The following MTTP variants were observed in gnomAD, a reference collection of about 807,000 sequenced individuals.
The protein encoded by MTTP is microsomal triglyceride transfer protein large subunit.
MTTP carries 49 observed loss-of-function variants against 90.6 expected under a neutral mutation model. The ratio of observed to expected loss-of-function variants is 0.54; its 90% CI spans 0.43 to 0.69. The LOEUF is 0.69. MTTP is among the 30% of genes least tolerant of loss of function. The pLI, the probability that MTTP is intolerant of heterozygous loss-of-function variation, is 0.00. For synonymous variants in MTTP, 347 were observed against 384.2 expected (o/e 0.90, Z 1.13); for missense variants, 945 against 1,067.5 (o/e 0.89, Z 1.60).
At chr4:99,571,057 A>G (rs182810512), upstream of MTTP, among the ~76,000 whole-genome samples, 1 of 152,068 alleles carries the variant, frequency 6.6e-6, no homozygotes, top group Admixed American at 6.6e-5. Flanking sequence ...GTGCCTTTCA[A>G]TAGTTCTTGG....
At chr4:99,589,825 G>C in intron 4 of MTTP, 75 bp downstream of exon 4, 1 of 1,026,616 alleles carries the variant, frequency 9.7e-7, no homozygotes, top group Non-Finnish European at 1.5e-6. Context: ...AATTTCAGTA[G>C]AAGAGTTACT....
intron 10 of MTTP, among the ~76,000 whole-genome samples, chr4:99,605,895 GTGTC>G (rs1473688606): frequency 2.6e-5 from 4 of 151,524 alleles, no homozygotes; most frequent in Non-Finnish European, 5.9e-5. Flanking sequence ...GTGTATGTGT[GTGTC>G]TGTGTGTTTG....
At chr4:99,573,615 T>A (rs1180722688), upstream of MTTP, among the ~76,000 whole-genome samples, 1 of 152,180 alleles carries the variant, frequency 6.6e-6, no homozygotes, top group Non-Finnish European at 1.5e-5. Flanking sequence ...GAAATATGCT[T>A]AACTTTGTAG....
intron 1 of MTTP, among the ~76,000 whole-genome samples, chr4:99,580,863 G>A (rs190299764): frequency 6.6e-6 from 1 of 152,240 alleles, no homozygotes; most frequent in Non-Finnish European, 1.5e-5. Flanking sequence ...GGCCTTTTCA[G>A]GCATTGCAAA....
chr4:99,599,028 ATTCT>A (rs1372598004), intron 8 of MTTP, among the ~76,000 whole-genome samples: 1 of 152,140 alleles, frequency 6.6e-6, no homozygotes, highest in Non-Finnish European at 1.5e-5. Flanking sequence ...AGGGATAATA[ATTCT>A]TTCTATTTAT....
At chr4:99,586,282 G>A (rs549697837) in intron 3 of MTTP, among the ~76,000 whole-genome samples, 8 of 152,174 alleles carry the variant, frequency 5.3e-5, no homozygotes, top group East Asian at 3.9e-4. Flanking sequence ...AGTTGTAAAC[G>A]TGACAGTTAT....
At chr4:99,583,331 A>G in intron 2 of MTTP, 43 bp from the exon 3 acceptor site, 1 of 1,603,182 alleles carries the variant, frequency 6.2e-7, no homozygotes. Context: ...ATGAAGACAG[A>G]TATAGGAAGT....
In MTTP at chr4:99,575,107, T is replaced by C. The variant is rs538451791; in HGVS notation, c.61+137T>C. ...AACTATCTTCAAAACCATGTAACTT[T>C]GGAATGTTTGTGAAAGCATGGCTGA... On this transcript the variant is annotated intron_variant, in intron 1 of 17. Coordinates refer to ENST00000265517, the MANE Select transcript of MTTP (RefSeq NM_001386140.1). The C allele has an allele frequency of 2.0e-5, 19 of 943,038 alleles. No individual in the cohort carries two copies. The African/African-American group carries it at 3.2e-4, about 16-fold the overall frequency. 58.4% of individuals were successfully genotyped at this position (943,038 alleles called of 1,614,324 possible).
In MTTP at chr4:99,622,770, G is replaced by A. The variant is rs763344111; in HGVS notation, c.2607G>A (p.Pro869=). 19 of 1,613,906 alleles carry A rather than the reference G, an allele frequency of 1.2e-5. No homozygotes were observed. In the African/African-American group the frequency reaches 1.2e-4, roughly 10 times the overall value. ...KESVLAGCEF[P]LHQENSEMCK... is the part of the protein sequence containing the mutation. ...GCGTATTAGCAGGATGTGAATTCCCGCTCCATCAAGAGAACTCAGAGATGT... is the reference window on the plus strand; with the variant it reads ...GCGTATTAGCAGGATGTGAATTCCCACTCCATCAAGAGAACTCAGAGATGT... Residue 869 remains proline (P), a synonymous_variant, in exon 18 of 18, where the codon CCG becomes CCA. Transcript: ENST00000265517.
In MTTP at chr4:99,601,629, G is replaced by A; in HGVS notation, c.1259G>A (p.Gly420Asp). The change falls in exon 10 of 18, where the codon GGT (glycine) becomes GAT (aspartate). Residue 420 changes from glycine (G) to aspartate (D), a missense_variant. Gly to Asp is a moderately conservative substitution (Grantham distance 94). Coordinates refer to ENST00000265517, the MANE Select transcript of MTTP (RefSeq NM_001386140.1). The stretch of plus-strand genomic sequence containing the variant: ...TAGAGTAAGTTCAAAGGTTCTATTG[G>A]TAGCAGTGACATCAGAGAAACTGTT... ...ALISKFKGSI[G>D]SSDIRETVMI... The A allele has an allele frequency of 6.2e-7, 1 of 1,612,446 alleles. No individual in the cohort carries two copies. Among genetic ancestry groups the A allele is most frequent in the East Asian group, 2.2e-5 (1 of 44,762 alleles).
intron 14 of MTTP, among the ~76,000 whole-genome samples, 175 bp downstream of exon 14, chr4:99,611,628 CAGAG>C: frequency 6.6e-6 from 1 of 152,158 alleles, no homozygotes; most frequent in East Asian, 1.9e-4. Context: ...TATAGTCACT[CAGAG>C]AAAGTTTCGA....
rs780679860 is a variant in MTTP at position 99,597,275 on chromosome 4, T to C, written c.1067+51T>C. On this transcript the variant is annotated intron_variant, in intron 8 of 17. Coordinates refer to ENST00000265517, the MANE Select transcript of MTTP (RefSeq NM_001386140.1). ...GTTGTCTGTCAGAAACATTTCTGGATTGTTGGTTTTTTGAAGTAAGAAAGA... is the reference window on the plus strand; with the variant it reads ...GTTGTCTGTCAGAAACATTTCTGGACTGTTGGTTTTTTGAAGTAAGAAAGA... The C allele has an allele frequency of 3.7e-6, 6 of 1,601,880 alleles. No homozygotes were observed. The Admixed American group carries it at 1.0e-4, about 27-fold the overall frequency.
At chr4:99,601,118 C>G (rs1415508740) in intron 9 of MTTP, among the ~76,000 whole-genome samples, 1 of 152,036 alleles carries the variant, frequency 6.6e-6, no homozygotes, top group Non-Finnish European at 1.5e-5. Flanking sequence ...AGATACAATT[C>G]TTCTGCTGTT....
chr4:99,597,595 T>C (rs990440126), intron 8 of MTTP, among the ~76,000 whole-genome samples: 2 of 152,296 alleles, frequency 1.3e-5, no homozygotes, highest in African/African-American at 2.4e-5. Context: ...CTGAACAGAT[T>C]TGAGTTCATT....
chr4:99,597,217 GAAGTATTGT>G lies in MTTP; in HGVS notation c.1065_1067+6del, dbSNP rs1725580167. 6.2e-7 allele frequency: 1 copy of G among 1,613,302 alleles called. No homozygotes were observed. The highest frequency in any genetic ancestry group is 8.5e-7 in the Non-Finnish European group (1 of 1,179,750). On this transcript the variant is annotated splice_donor_variant and coding_sequence_variant, in exon 8 of 18. Coordinates refer to ENST00000265517, the MANE Select transcript of MTTP (RefSeq NM_001386140.1). LOFTEE classifies it high-confidence loss of function. ...TCAAATACTAAAGATGGAAAATAAG[GAAGTATTGT>G]AAGTTCCCCAACCTTTGTGTGGGGT...
At position 99,623,149 on chromosome 4, in the gene MTTP, TA is replaced by T; in HGVS notation, c.*306del. ...TCTCTAAGAGGAAACTAGTGTTTGT[TA>T]AAAACAAAAATAAAAACAAAACCAC... On this transcript the variant is annotated 3_prime_UTR_variant, in exon 18 of 18. Transcript: ENST00000265517. The T allele has an allele frequency of 2.5e-6, 1 of 395,890 alleles. No homozygotes were observed. Among genetic ancestry groups the T allele is most frequent in the Non-Finnish European group, 4.7e-6 (1 of 213,074 alleles). The allele number at this position is 395,890 out of a possible 1,614,324, so 24.5% of individuals were successfully genotyped here.
At chr4:99,568,628 G>C (rs2172138) in intron 1 of MTTP, among the ~76,000 whole-genome samples, 89,878 of 151,898 alleles carry the variant, frequency 0.59, 29,837 homozygotes, top group African/African-American at 0.89. Context: ...GGAGAAATGA[G>C]TGATTCTAAG....
chr4:99,598,516 T>G (rs1438286713), intron 8 of MTTP, among the ~76,000 whole-genome samples: 1 of 152,144 alleles, frequency 6.6e-6, no homozygotes, highest in Non-Finnish European at 1.5e-5. Context: ...TAAATCAGAT[T>G]ATTTATACAA....
In MTTP at chr4:99,622,753, G is replaced by A; in HGVS notation, c.2590G>A (p.Ala864Thr). The part of the protein sequence containing the change: ...VSQKRKESVL[A>T]GCEFPLHQEN... ...TCAGAAAAGAAAAGAAAGCGTATTAGCAGGATGTGAATTCCCGCTCCATCA... is the reference window on the plus strand; with the variant it reads ...TCAGAAAAGAAAAGAAAGCGTATTAACAGGATGTGAATTCCCGCTCCATCA... The change falls in exon 18 of 18, where the codon GCA (alanine) becomes ACA (threonine). Residue 864 changes from alanine to threonine, a missense_variant. Ala to Thr is a moderately conservative substitution (Grantham distance 58). Transcript: ENST00000265517. 6.2e-7 allele frequency: 1 copy of A among 1,614,114 alleles called. No homozygotes were observed. The highest frequency in any genetic ancestry group is 8.5e-7 in the Non-Finnish European group (1 of 1,179,976).
Sources: allele counts gnomAD v4.1 joint callset (sites outside exome capture counted in the v4.1 genomes callset), GRCh38; gene constraint gnomAD v4.1.1; transcripts MANE v1.5; gene names NCBI Gene and HGNC (gene_info 2026-07-23, HGNC 2026-07-21).